AK6: variants seen among roughly 807,000 people sequenced by gnomAD.
AK6 encodes the protein adenylate kinase isoenzyme 6.
AK6 carries 24 observed loss-of-function variants against 23.7 expected under a neutral mutation model. That is an observed-to-expected ratio of 1.01 (90% CI 0.73 to 1.43). AK6 has a LOEUF of 1.43. Ranked by LOEUF, AK6 falls within the 40% of genes most tolerant of loss-of-function variation. The probability of loss-of-function intolerance (pLI) is 0.00; values close to 1 mark genes in which losing one functional copy is unlikely to be tolerated. For synonymous variants in AK6, 73 were observed against 69.8 expected (o/e 1.05, Z -0.23); for missense variants, 191 against 199.1 (o/e 0.96, Z 0.24).
chr5:69,355,502 G>A, intron 4 of AK6, 147 bp downstream of exon 4: 11 of 824,968 alleles, frequency 1.3e-5, no homozygotes, highest in Non-Finnish European at 1.8e-5. Flanking sequence ...CTGCCCTCCA[G>A]CCTGGGTGAC....
intron 2 of AK6, among the ~76,000 whole-genome samples, chr5:69,362,380 C>T (rs1762264043): frequency 6.6e-6 from 1 of 152,094 alleles, no homozygotes; most frequent in Non-Finnish European, 1.5e-5. Context: ...TGCCTGGTTT[C>T]CCTTAAAAAT....
chr5:69,365,167 T>A, intron 2 of AK6: 1 of 1,614,224 alleles, frequency 6.2e-7, no homozygotes. Context: ...GAAGTAGGCA[T>A]CTGTACTGTA....
chr5:69,367,814 G>A (rs2150743226), intron 1 of AK6: 1 of 152,206 alleles, frequency 6.6e-6, no homozygotes, highest in South Asian at 2.1e-4. Context: ...CAAAGTGCTG[G>A]GATTTACAGG....
At chr5:69,368,242 T>G (rs1273536705) in intron 1 of AK6, among the ~76,000 whole-genome samples, 1 of 152,226 alleles carries the variant, frequency 6.6e-6, no homozygotes, top group African/African-American at 2.4e-5. Context: ...CATTGTTCTT[T>G]ACCTTCCCCT....
intron 2 of AK6, among the ~76,000 whole-genome samples, chr5:69,358,208 T>TACGAGGC: frequency 6.6e-6 from 1 of 152,152 alleles, no homozygotes; most frequent in East Asian, 1.9e-4. Context: ...GGTTCCTTCA[T>TACGAGGC]ACTTTAAATC....
At position 69,352,248 on chromosome 5, in the gene AK6, T is replaced by G. The variant is rs1435629652; in HGVS notation, c.332A>C (p.Tyr111Ser). 6.2e-7 allele frequency: 1 copy of G among 1,612,430 alleles called. No individual in the cohort carries two copies. The highest frequency in any genetic ancestry group is 1.3e-5 in the African/African-American group (1 of 74,892). The change falls in exon 5 of 5, where the codon TAT (tyrosine) becomes TCT (serine). Residue 111 changes from tyrosine to serine, a missense_variant. Coordinates refer to ENST00000380822, the MANE Select transcript of AK6 (RefSeq NM_016283.5). ...ATTGTCTGTTAGTTTCTTCTCATTA[T>G]AACCCCTAGAAGGCAGGGAGGTTAA... ...VLYERLETRG[Y>S]NEKKLTDNIQ...
chr5:69,356,287 G>C (rs1762082118), intron 2 of AK6, among the ~76,000 whole-genome samples: 1 of 152,194 alleles, frequency 6.6e-6, no homozygotes, highest in South Asian at 2.1e-4. Context: ...TTGAACTACA[G>C]ATTGGCGGGA....
intron 2 of AK6, among the ~76,000 whole-genome samples, chr5:69,361,596 G>A (rs974366793): frequency 2.0e-5 from 3 of 149,980 alleles, no homozygotes; most frequent in Non-Finnish European, 4.4e-5. Flanking sequence ...CCTCAGCAAC[G>A]CCGGACTGAT....
intron 2 of AK6, chr5:69,365,069 G>C (rs1762360639): frequency 6.2e-7 from 1 of 1,614,194 alleles, no homozygotes; most frequent in African/African-American, 1.3e-5. Context: ...TAATAAGAAT[G>C]TTTTTGGACC....
chr5:69,364,295 G>C (rs1228727751), intron 2 of AK6, among the ~76,000 whole-genome samples: 1 of 151,556 alleles, frequency 6.6e-6, no homozygotes. Context: ...TATAGTATCA[G>C]GAATATGAAA....
chr5:69,369,348 C>T, intron 1 of AK6, 115 bp downstream of exon 1: 1 of 1,210,132 alleles, frequency 8.3e-7, no homozygotes, highest in Non-Finnish European at 1.1e-6. Flanking sequence ...CCTCGTGGCC[C>T]TCGGCCGGCC....
chr5:69,368,590 G>A (rs551034056), intron 1 of AK6, among the ~76,000 whole-genome samples: 2 of 151,718 alleles, frequency 1.3e-5, no homozygotes, highest in Non-Finnish European at 2.9e-5. Flanking sequence ...GCACCTCTCA[G>A]AAACAGACAT....
intron 1 of AK6, among the ~76,000 whole-genome samples, chr5:69,368,389 G>C (rs1185272773): frequency 6.6e-6 from 1 of 152,076 alleles, no homozygotes; most frequent in Non-Finnish European, 1.5e-5. Context: ...GAGAATAACG[G>C]TCACCTCAAG....
intron 2 of AK6, chr5:69,364,654 C>A: frequency 2.0e-6 from 1 of 505,932 alleles, no homozygotes; most frequent in Non-Finnish European, 3.5e-6. Context: ...TGCAGTACTG[C>A]AAATTGCTGC....
intron 4 of AK6, among the ~76,000 whole-genome samples, chr5:69,354,711 C>A (rs1158840170): frequency 6.6e-6 from 1 of 152,236 alleles, no homozygotes; most frequent in Non-Finnish European, 1.5e-5. Flanking sequence ...TTTCCCACTC[C>A]TGATGCAGGG....
At chr5:69,352,674 G>A (rs1172789905) in intron 4 of AK6, among the ~76,000 whole-genome samples, 3 of 152,170 alleles carry the variant, frequency 2.0e-5, no homozygotes, top group African/African-American at 7.2e-5. Flanking sequence ...AGCTGTATAG[G>A]AAATGCAAAT....
intron 2 of AK6, chr5:69,364,878 G>A: frequency 2.9e-6 from 4 of 1,390,566 alleles, no homozygotes; most frequent in Non-Finnish European, 3.9e-6. Context: ...CATCCAGCAT[G>A]CATGTTTAAT....
chr5:69,363,121 G>A (rs527688725), intron 2 of AK6, among the ~76,000 whole-genome samples: 87 of 152,208 alleles, frequency 5.7e-4, no homozygotes, highest in Non-Finnish European at 9.1e-4. Flanking sequence ...CCAGCTACAA[G>A]GGAGGCTGAG....
intron 2 of AK6, among the ~76,000 whole-genome samples, chr5:69,361,246 C>T (rs981483943): frequency 1.3e-5 from 2 of 152,008 alleles, no homozygotes; most frequent in East Asian, 3.9e-4. Flanking sequence ...CTCTGCCTCC[C>T]AAGTAGCTGG....
Sources: gnomAD v4.1 joint callset for allele counts (sites outside exome capture counted in the v4.1 genomes callset) on GRCh38, gnomAD v4.1.1 for gene constraint, MANE v1.5 for transcripts, NCBI Gene and HGNC (gene_info 2026-07-23, HGNC 2026-07-21) for gene names.